GRM8: variants seen among roughly 807,000 people sequenced by gnomAD.
GRM8 encodes the protein metabotropic glutamate receptor 8.
A neutral mutation model predicts 87.2 loss-of-function variants in GRM8; 47 were observed. That is an observed-to-expected ratio of 0.54 (90% CI 0.43 to 0.69). The LOEUF (loss-of-function observed/expected upper bound fraction) is 0.69, where lower values mean the gene tolerates loss of function less well. Among genes scored for constraint, GRM8 ranks in the 30% least tolerant of loss-of-function variants. The pLI, the probability that GRM8 is intolerant of heterozygous loss-of-function variation, is 0.00. For missense variants in GRM8, 1,019 were observed against 1,139.2 expected, an observed-to-expected ratio of 0.89 and a Z score of 1.52; for synonymous variants, 396 against 404.5, an observed-to-expected ratio of 0.98 and a Z score of 0.25.
At chr7:126,450,638 A>T (rs933959154) in intron 9 of GRM8, among the ~76,000 whole-genome samples, 111 of 147,650 alleles carry the variant, frequency 7.5e-4, no homozygotes, top group Non-Finnish European at 1.4e-3. Context: ...TTTTTTTTTT[A>T]AAGATGAAGA....
intron 3 of GRM8, among the ~76,000 whole-genome samples, chr7:127,030,667 T>C (rs982594780): frequency 1.3e-5 from 2 of 152,124 alleles, no homozygotes; most frequent in African/African-American, 4.8e-5. Context: ...AACCAGGGAA[T>C]TAACTACATC....
intron 2 of GRM8, among the ~76,000 whole-genome samples, chr7:127,206,684 CTCATCTGTAAT>C (rs1448110267): frequency 4.6e-5 from 7 of 152,298 alleles, no homozygotes; most frequent in African/African-American, 1.4e-4. Flanking sequence ...CAGCAATCTT[CTCATCTGTAAT>C]TCACCCAGGG....
At chr7:126,857,174 A>G (rs1207276113) in intron 6 of GRM8, among the ~76,000 whole-genome samples, 1 of 152,206 alleles carries the variant, frequency 6.6e-6, no homozygotes. Context: ...TAATAGGGAA[A>G]ATTCTGTGTA....
intron 8 of GRM8, among the ~76,000 whole-genome samples, chr7:126,578,420 C>A (rs1221087738): frequency 6.6e-6 from 1 of 152,130 alleles, no homozygotes; most frequent in African/African-American, 2.4e-5. Flanking sequence ...GAGGAAGGAG[C>A]AAGTGGTGTG....
At chr7:126,737,958 C>G (rs892609385) in intron 7 of GRM8, among the ~76,000 whole-genome samples, 2 of 152,022 alleles carry the variant, frequency 1.3e-5, no homozygotes, top group Non-Finnish European at 2.9e-5. Flanking sequence ...CTAGAGGTGA[C>G]TTTTGACCTC....
At chr7:126,837,130 T>C (rs1192178664) in intron 6 of GRM8, among the ~76,000 whole-genome samples, 1 of 152,152 alleles carries the variant, frequency 6.6e-6, no homozygotes, top group African/African-American at 2.4e-5. Context: ...ATAGTCTTCA[T>C]TTAGTCGGCA....
chr7:126,576,010 A>T (rs9641800), intron 8 of GRM8, among the ~76,000 whole-genome samples: 1 of 151,930 alleles, frequency 6.6e-6, no homozygotes, highest in African/African-American at 2.4e-5. Flanking sequence ...TATTGGTCAA[A>T]TGCTATAGCT....
chr7:126,556,908 G>A (rs1463266333), intron 8 of GRM8, among the ~76,000 whole-genome samples: 1 of 152,058 alleles, frequency 6.6e-6, no homozygotes, highest in Admixed American at 6.6e-5. Flanking sequence ...GTCCATTGGT[G>A]TCTTTAGTTT....
At chr7:126,460,439 A>G (rs910560771) in intron 9 of GRM8, among the ~76,000 whole-genome samples, 2 of 151,624 alleles carry the variant, frequency 1.3e-5, no homozygotes, top group African/African-American at 2.4e-5. Flanking sequence ...CAAAACCTTA[A>G]AACACCCAGT....
chr7:126,993,842 T>C (rs1400952084), intron 3 of GRM8, among the ~76,000 whole-genome samples: 1 of 152,172 alleles, frequency 6.6e-6, no homozygotes, highest in Non-Finnish European at 1.5e-5. Context: ...CCTGAGTTTC[T>C]CTGCAAGTCT....
intron 2 of GRM8, among the ~76,000 whole-genome samples, chr7:127,213,962 C>T (rs1796369009): frequency 6.6e-6 from 1 of 152,168 alleles, no homozygotes; most frequent in African/African-American, 2.4e-5. Flanking sequence ...AAATGCCCAA[C>T]AGCTGTAGAA....
chr7:126,589,431 C>T (rs1056028008), intron 8 of GRM8, among the ~76,000 whole-genome samples: 5 of 152,056 alleles, frequency 3.3e-5, no homozygotes, highest in Admixed American at 6.6e-5. Context: ...TCCATTGACC[C>T]GGGAACCACA....
chr7:126,748,850 C>T (rs924335722), intron 7 of GRM8, among the ~76,000 whole-genome samples: 2 of 152,010 alleles, frequency 1.3e-5, no homozygotes, highest in African/African-American at 4.8e-5. Flanking sequence ...ATGTATTCAA[C>T]TGATTTACAA....
intron 3 of GRM8, among the ~76,000 whole-genome samples, chr7:127,077,832 A>G (rs1017357698): frequency 2.0e-5 from 3 of 151,974 alleles, no homozygotes; most frequent in African/African-American, 7.3e-5. Flanking sequence ...TTCTTGTTCT[A>G]CTACTTAGAA....
At chr7:126,601,350 G>C (rs984102236) in intron 8 of GRM8, among the ~76,000 whole-genome samples, 12 of 152,148 alleles carry the variant, frequency 7.9e-5, no homozygotes, top group African/African-American at 2.4e-4. Flanking sequence ...ATTTGGGTTG[G>C]TTCCAAGTCT....
intron 8 of GRM8, among the ~76,000 whole-genome samples, chr7:126,564,111 G>T (rs1381830062): frequency 6.6e-6 from 1 of 152,198 alleles, no homozygotes; most frequent in Non-Finnish European, 1.5e-5. Flanking sequence ...ATGTGAAAAA[G>T]AAATGAAAGT....
intron 3 of GRM8, among the ~76,000 whole-genome samples, chr7:126,914,337 C>T (rs1168457348): frequency 6.6e-6 from 1 of 152,158 alleles, no homozygotes; most frequent in Non-Finnish European, 1.5e-5. Flanking sequence ...TAAATTAGTT[C>T]AGCCACTGTG....
intron 9 of GRM8, among the ~76,000 whole-genome samples, chr7:126,455,203 T>C (rs2150499060): frequency 6.6e-6 from 1 of 151,816 alleles, no homozygotes. Context: ...TTTTGAGAAT[T>C]ACACAGTCAC....
chr7:126,513,307 A>AT (rs1006195386), intron 9 of GRM8, among the ~76,000 whole-genome samples: 41 of 150,256 alleles, frequency 2.7e-4, no homozygotes, highest in Admixed American at 9.9e-4. Flanking sequence ...CCCTTCGGGT[A>AT]TTTTTTTTTT....
Sources: gnomAD v4.1 joint callset for allele counts (sites outside exome capture counted in the v4.1 genomes callset) on GRCh38, gnomAD v4.1.1 for gene constraint, MANE v1.5 for transcripts, NCBI Gene and HGNC (gene_info 2026-07-23, HGNC 2026-07-21) for gene names.